Variants in SV2C observed in about 807,000 individuals in gnomAD.
SV2C encodes the protein solute carrier family 22 member B3.
A neutral mutation model predicts 79.7 loss-of-function variants in SV2C; 49 were observed. That is an observed-to-expected ratio of 0.61 (90% CI 0.49 to 0.78). SV2C has a LOEUF of 0.78. Among genes scored for constraint, SV2C ranks in the 30% least tolerant of loss-of-function variants. The pLI is 0.00. For synonymous variants in SV2C, 334 were observed against 333.2 expected, an observed-to-expected ratio of 1.00 and a Z score of -0.03; for missense variants, 833 against 912.9, an observed-to-expected ratio of 0.91 and a Z score of 1.13.
chr5:75,969,886 C>G, the SV2C span, among the ~76,000 whole-genome samples: 3 of 152,152 alleles, frequency 2.0e-5, no homozygotes, highest in African/African-American at 7.2e-5. Context: ...CTCAGCATCA[C>G]ACCACACCTA....
At chr5:75,983,801 T>C in the SV2C span, among the ~76,000 whole-genome samples, 1 of 152,082 alleles carries the variant, frequency 6.6e-6, no homozygotes, top group African/African-American at 2.4e-5. Context: ...CCTTATGACT[T>C]GCTTTGGTCG....
chr5:76,087,310 T>A (rs960243826), intron 1 of SV2C, among the ~76,000 whole-genome samples: 8 of 152,358 alleles, frequency 5.3e-5, no homozygotes, highest in Non-Finnish European at 1.2e-4. Flanking sequence ...TGCGTTATGC[T>A]TGCTACATCT....
At chr5:76,147,858 C>G (rs1749486747) in intron 2 of SV2C, among the ~76,000 whole-genome samples, 1 of 152,056 alleles carries the variant, frequency 6.6e-6, no homozygotes, top group Non-Finnish European at 1.5e-5. Context: ...TGTATATACC[C>G]TTTTTAAAAT....
chr5:76,123,803 C>T (rs1215587146), intron 1 of SV2C, among the ~76,000 whole-genome samples: 2 of 152,170 alleles, frequency 1.3e-5, no homozygotes, highest in Non-Finnish European at 1.5e-5. Context: ...AAGATATGCT[C>T]ACAGCCAAGA....
chr5:76,236,405 A>T lies in SV2C; in HGVS notation c.913+26518A>T, dbSNP rs1424894504. On this transcript the variant is annotated intron_variant, in intron 4 of 12. Transcript: ENST00000502798. Reference sequence around the variant, plus strand: ...TGGTGAAACCCCGTCTCTACTAAAAATACAGAATTATCCAGGCATGGTGGC... The same window carrying T: ...TGGTGAAACCCCGTCTCTACTAAAATTACAGAATTATCCAGGCATGGTGGC... Among the ~76,000 whole-genome samples the T allele has an allele frequency of 2.6e-5, 4 of 152,028 alleles. No homozygotes were observed. In the East Asian group the frequency reaches 7.7e-4, roughly 29 times the overall value.
the SV2C span, among the ~76,000 whole-genome samples, chr5:75,992,016 T>A: frequency 1.7e-4 from 26 of 152,034 alleles, no homozygotes; most frequent in African/African-American, 6.0e-4. Flanking sequence ...AATTTTAGAA[T>A]CACTTAATCA....
At chr5:76,319,235 A>G (rs1748736894) in intron 12 of SV2C, among the ~76,000 whole-genome samples, 1 of 141,278 alleles carries the variant, frequency 7.1e-6, no homozygotes, top group African/African-American at 2.8e-5. Flanking sequence ...ACATGGTGAA[A>G]CCTGCATCTC....
intron 1 of SV2C, among the ~76,000 whole-genome samples, chr5:76,107,139 A>T (rs145649082): frequency 6.6e-6 from 1 of 152,372 alleles, no homozygotes; most frequent in Admixed American, 6.5e-5. Flanking sequence ...CAAAATATAC[A>T]ATTCCAATAT....
chr5:76,220,921 A>G (rs986231811), intron 4 of SV2C, among the ~76,000 whole-genome samples: 2 of 152,184 alleles, frequency 1.3e-5, no homozygotes, highest in Non-Finnish European at 2.9e-5. Context: ...ACACAAATCC[A>G]CTTGAATCTC....
chr5:76,260,065 T>C (rs544400406), intron 4 of SV2C, among the ~76,000 whole-genome samples: 3 of 152,220 alleles, frequency 2.0e-5, no homozygotes, highest in Non-Finnish European at 4.4e-5. Context: ...CCACTAACAG[T>C]GTAAAAGCAT....
At chr5:75,996,922 A>G in the SV2C span, among the ~76,000 whole-genome samples, 4 of 130,770 alleles carry the variant, frequency 3.1e-5, no homozygotes. Context: ...CAATCATGTC[A>G]TCTGCAAACA....
chr5:76,176,733 G>C (rs566047312), intron 2 of SV2C, among the ~76,000 whole-genome samples: 1 of 152,222 alleles, frequency 6.6e-6, no homozygotes, highest in African/African-American at 2.4e-5. Context: ...TGGGGGAAAA[G>C]TAGAATGAGG....
chr5:76,149,080 A>G (rs1749523202), intron 2 of SV2C, among the ~76,000 whole-genome samples: 1 of 152,164 alleles, frequency 6.6e-6, no homozygotes, highest in South Asian at 2.1e-4. Flanking sequence ...CAACCCTACC[A>G]CTAGTGTTGA....
chr5:75,965,179 T>C, the SV2C span, among the ~76,000 whole-genome samples: 1 of 152,126 alleles, frequency 6.6e-6, no homozygotes, highest in African/African-American at 2.4e-5. Context: ...AGGGGCACCA[T>C]TTGTGACCAT....
the SV2C span, among the ~76,000 whole-genome samples, chr5:75,993,030 T>C: frequency 1.3e-5 from 2 of 152,070 alleles, no homozygotes; most frequent in Non-Finnish European, 2.9e-5. Context: ...GATGAAATCA[T>C]AGGCAGTGAA....
chr5:75,988,652 G>T, the SV2C span, among the ~76,000 whole-genome samples: 1 of 151,890 alleles, frequency 6.6e-6, no homozygotes, highest in African/African-American at 2.4e-5. Flanking sequence ...TCAAGTGTTA[G>T]GTGGATCAGT....
the SV2C span, among the ~76,000 whole-genome samples, chr5:75,969,340 G>A: frequency 1.3e-5 from 2 of 152,132 alleles, no homozygotes; most frequent in African/African-American, 4.8e-5. Flanking sequence ...AACCTTAAAT[G>A]TAAATGGGCT....
chr5:75,996,060 T>A, the SV2C span, among the ~76,000 whole-genome samples: 1 of 152,064 alleles, frequency 6.6e-6, no homozygotes, highest in African/African-American at 2.4e-5. Flanking sequence ...GAGTAAAATC[T>A]CCCCCACATT....
chr5:75,973,875 C>T, the SV2C span, among the ~76,000 whole-genome samples: 2 of 151,908 alleles, frequency 1.3e-5, no homozygotes. Context: ...AAATTGAGAA[C>T]ATTTCTGCCT....
Sources: gnomAD v4.1 joint callset for allele counts (sites outside exome capture counted in the v4.1 genomes callset) on GRCh38, gnomAD v4.1.1 for gene constraint, MANE v1.5 for transcripts, NCBI Gene and HGNC (gene_info 2026-07-23, HGNC 2026-07-21) for gene names.